SART3: variants seen among roughly 807,000 people sequenced by gnomAD.
SART3 encodes the protein HIV-1 Tat-interacting protein of 110kDa.
In SART3, 44 loss-of-function variants were observed where a neutral mutation model predicts 122.3. The ratio of observed to expected loss-of-function variants is 0.36; its 90% CI spans 0.28 to 0.46. SART3 has a LOEUF of 0.46. Among genes scored for constraint, SART3 ranks in the 20% least tolerant of loss-of-function variants. The pLI, the probability that SART3 is intolerant of heterozygous loss-of-function variation, is 1.00. For synonymous variants in SART3, 442 were observed against 454.0 expected, an observed-to-expected ratio of 0.97 and a Z score of 0.34; for missense variants, 1,101 against 1,229.0, an observed-to-expected ratio of 0.90 and a Z score of 1.56.
At chr12:108,538,262 A>G (rs888227823) in intron 7 of SART3, 59 bp from the exon 8 acceptor site, 2 of 1,591,840 alleles carry the variant, frequency 1.3e-6, no homozygotes, top group African/African-American at 2.7e-5. Context: ...CACCATCAAC[A>G]AGACATTGCC....
At chr12:108,541,440 G>A (rs1012633280) in intron 6 of SART3, among the ~76,000 whole-genome samples, 1 of 152,056 alleles carries the variant, frequency 6.6e-6, no homozygotes, top group Non-Finnish European at 1.5e-5. Context: ...AACAACTGGG[G>A]AGAAAATCTG....
Position 108,525,587 on chromosome 12 carries a change from A to C in SART3, c.2393T>G (p.Leu798Arg), listed in dbSNP as rs1872333167. ...TGAGATGAACAGCTTGTGTTTCTCT[A>C]GGGAAGTGCTGTACCTGAACACCTA... ...DFKVFRYSTSLEKHKLFISGL... is the reference protein window; with the variant it reads ...DFKVFRYSTSREKHKLFISGL... The change falls in exon 17 of 19, where the codon CTA (leucine) becomes CGA (arginine). Residue 798 changes from leucine (L) to arginine (R), a missense_variant. By Grantham distance (102) the Leu-to-Arg change is moderately radical (BLOSUM62 -2). Around this residue, in one of 2 missense-constraint regions of SART3, gnomAD observed 885 missense variants for 1,080.1 expected, o/e 0.82. Coordinates refer to ENST00000546815, the MANE Select transcript of SART3 (RefSeq NM_014706.4). 1 of 1,613,968 alleles carries C rather than the reference A, an allele frequency of 6.2e-7. No homozygotes were observed. The highest frequency in any genetic ancestry group is 1.3e-5 in the African/African-American group (1 of 74,886).
rs928091690 is a variant in SART3 at position 108,532,283 on chromosome 12, C to G, written c.1608G>C (p.Gln536His). 5 of 1,614,080 alleles carry G rather than the reference C, an allele frequency of 3.1e-6. No homozygotes were observed. The highest frequency in any genetic ancestry group is 4.2e-6 in the Non-Finnish European group (5 of 1,180,048). Residue 536 changes from glutamine to histidine, a missense_variant, in exon 13 of 19, where the codon CAG (glutamine) becomes CAC (histidine). Physicochemically the swap from Gln to His is conservative, Grantham distance 24. Coordinates refer to ENST00000546815, the MANE Select transcript of SART3 (RefSeq NM_014706.4). Reference sequence around the variant, plus strand: ...CGTGCTCTGGGTAGTCACTGGTGCACTGGACGGCCCGGTGCAGAGCCTTCC... The same window carrying G: ...CGTGCTCTGGGTAGTCACTGGTGCAGTGGACGGCCCGGTGCAGAGCCTTCC... ...HCRKALHRAVQCTSDYPEHVC... is the reference protein window; with the variant it reads ...HCRKALHRAVHCTSDYPEHVC...
chr12:108,547,375 GTCTT>G (rs1424101661), intron 3 of SART3, among the ~76,000 whole-genome samples: 2 of 152,148 alleles, frequency 1.3e-5, no homozygotes, highest in Non-Finnish European at 2.9e-5. Flanking sequence ...GTAATAAAAT[GTCTT>G]TTTTTTCCCA....
rs1872432110 is a variant in SART3 at position 108,527,383 on chromosome 12, C to T, written c.1916-830G>A. 2.0e-5 allele frequency among the ~76,000 whole-genome samples: 3 copies of T among 152,216 alleles called. No individual in the cohort carries two copies. The South Asian group carries it at 6.2e-4, about 32-fold the overall frequency. On this transcript the variant is annotated intron_variant, in intron 15 of 18. Coordinates refer to ENST00000546815, the MANE Select transcript of SART3 (RefSeq NM_014706.4). ...TGGCTCCTCCCTGTGTAGCTCAGACCTTCCCTTCTCGCTGCCACAGTCACT... is the reference window on the plus strand; with the variant it reads ...TGGCTCCTCCCTGTGTAGCTCAGACTTTCCCTTCTCGCTGCCACAGTCACT...
chr12:108,538,919 G>C lies in SART3; in HGVS notation c.1062+15C>G, dbSNP rs371097471. 1.5e-5 allele frequency: 24 copies of C among 1,613,934 alleles called. No homozygotes were observed. The highest frequency in any genetic ancestry group is 1.8e-5 in the Non-Finnish European group (21 of 1,179,976). Reference sequence around the variant, plus strand: ...AATTGGCAAAAATAAAATGAAATTAGAACAGTGATCTTACTAGGTACTGAC... The same window carrying C: ...AATTGGCAAAAATAAAATGAAATTACAACAGTGATCTTACTAGGTACTGAC... On this transcript the variant is annotated intron_variant, in intron 7 of 18. Transcript: ENST00000546815.
Position 108,547,924 on chromosome 12 carries a change from C to G in SART3, c.507G>C (p.Val169=), listed in dbSNP as rs11113986. The change falls in exon 3 of 19, where the codon GTG becomes GTC. Residue 169 remains valine (V), a synonymous_variant. Transcript: ENST00000546815. ...MAQDGLDREH[V]YDLFEKAVKD... ...TCACGGCTTTCTCAAAGAGGTCATA[C>G]ACGTGCTCTCTGTCCAGGCCATCCT... is the stretch of plus-strand genomic sequence containing the variant. The G allele has an allele frequency of 0.039, 63,682 of 1,613,622 alleles. 1,439 individuals are homozygous for G. The highest frequency in any genetic ancestry group is 0.072 in the African/African-American group (5,369 of 75,026).
chr12:108,523,816 T>G (rs1872244130), intron 18 of SART3, 182 bp from the exon 19 acceptor site: 1 of 664,204 alleles, frequency 1.5e-6, no homozygotes, highest in South Asian at 1.9e-5. Flanking sequence ...TCAACAGACT[T>G]GGCCTTGTTC....
At chr12:108,540,668 C>T (rs967028013) in intron 6 of SART3, among the ~76,000 whole-genome samples, 1 of 145,954 alleles carries the variant, frequency 6.9e-6, no homozygotes, top group African/African-American at 2.5e-5. Flanking sequence ...CCAAGATCCT[C>T]TTGAAGAGGA....
intron 1 of SART3, chr12:108,560,417 G>T: frequency 3.7e-6 from 1 of 272,240 alleles, no homozygotes; most frequent in Non-Finnish European, 6.8e-6. Context: ...CTTACCACAA[G>T]TTTCATCATC....
chr12:108,530,007 A>G, intron 15 of SART3, 135 bp downstream of exon 15: 3 of 1,042,990 alleles, frequency 2.9e-6, no homozygotes, highest in South Asian at 2.6e-5. Flanking sequence ...TTTGCAAGAC[A>G]TACACCCTAA....
At chr12:108,556,588 G>A (rs2030229868) in intron 1 of SART3, among the ~76,000 whole-genome samples, 1 of 152,226 alleles carries the variant, frequency 6.6e-6, no homozygotes, top group Admixed American at 6.5e-5. Flanking sequence ...AGGCTGAAAA[G>A]CACTGGACCA....
chr12:108,538,795 C>G lies in SART3; in HGVS notation c.1062+139G>C. 8.0e-6 allele frequency: 8 copies of G among 999,578 alleles called. No homozygotes were observed. The South Asian group carries it at 1.2e-4, about 15-fold the overall frequency. 61.9% of individuals were successfully genotyped at this position (999,578 alleles called of 1,614,324 possible). The stretch of plus-strand genomic sequence containing the variant: ...ACTTGAAACACTAAAACTTTCTAAA[C>G]GAGTTGGCAAAGAGGAGAAAAAGCA... On this transcript the variant is annotated intron_variant, in intron 7 of 18. Transcript: ENST00000546815.
chr12:108,539,044 C>T lies in SART3; in HGVS notation c.952G>A (p.Asp318Asn), dbSNP rs368683159. The T allele has an allele frequency of 6.8e-6, 11 of 1,614,068 alleles. No individual in the cohort carries two copies. The highest frequency in any genetic ancestry group is 1.3e-5 in the African/African-American group (1 of 74,918). Residue 318 changes from aspartate (D) to asparagine (N), a missense_variant, in exon 7 of 19, where the codon GAT (aspartate) becomes AAT (asparagine). Physicochemically the swap from Asp to Asn is conservative, Grantham distance 23. Transcript: ENST00000546815. ...GGATCGCCAATTTTCATCTCAAAAT[C>T]GATATATGCTTGATATTCTGCCAGC... The part of the protein sequence containing the change: ...PRLAEYQAYI[D>N]FEMKIGDPAR...
chr12:108,559,069 T>C (rs1477626609), intron 1 of SART3, among the ~76,000 whole-genome samples: 2 of 107,008 alleles, frequency 1.9e-5, no homozygotes, highest in East Asian at 5.1e-4. Flanking sequence ...AAAGTAGAAA[T>C]GCTAACCACC....
chr12:108,560,943 G>C lies in SART3; in HGVS notation c.212C>G (p.Ala71Gly), dbSNP rs779524430. ...GGAGCTCTCCGCGGAGGAAGCCATG[G>C]CGTACTCATCCCCATCGCTCTCGCT... ...GVSESDGDEY[A>G]MASSAESSPG... Residue 71 changes from alanine (A) to glycine (G), a missense_variant, in exon 1 of 19, where the codon GCC becomes GGC. Ala to Gly is a moderately conservative substitution (Grantham distance 60). Coordinates refer to ENST00000546815, the MANE Select transcript of SART3 (RefSeq NM_014706.4). The C allele has an allele frequency of 6.2e-6, 10 of 1,613,840 alleles. No homozygotes were observed. The Admixed American group carries it at 8.3e-5, about 13-fold the overall frequency.
chr12:108,540,507 A>ATG (rs1487193330), intron 6 of SART3, among the ~76,000 whole-genome samples: 1 of 152,052 alleles, frequency 6.6e-6, no homozygotes, highest in Non-Finnish European at 1.5e-5. Flanking sequence ...AAACCTATAT[A>ATG]TGTTCATAGA....
intron 6 of SART3, among the ~76,000 whole-genome samples, chr12:108,541,625 A>T (rs1171287852): frequency 2.0e-5 from 3 of 151,134 alleles, no homozygotes; most frequent in African/African-American, 7.3e-5. Context: ...AGCAACCTCC[A>T]CCTCCCGGCT....
intron 13 of SART3, chr12:108,531,654 G>T (rs983771550): frequency 7.4e-6 from 2 of 271,676 alleles, no homozygotes; most frequent in South Asian, 4.2e-5. Flanking sequence ...AGTTCTGAGG[G>T]GTCCATACCC....
Sources: allele counts gnomAD v4.1 joint callset (sites outside exome capture counted in the v4.1 genomes callset), GRCh38; gene constraint gnomAD v4.1.1; regional missense constraint gnomAD v4.1.1; transcripts MANE v1.5; gene names NCBI Gene and HGNC (gene_info 2026-07-23, HGNC 2026-07-21).